The following PCF11 variants were observed in gnomAD, a reference collection of about 807,000 sequenced individuals.
The protein encoded by PCF11 is PCF11 cleavage and polyadenylation factor subunit.
A neutral mutation model predicts 166.1 loss-of-function variants in PCF11; 19 were observed. The ratio of observed to expected loss-of-function variants is 0.11; its 90% CI spans 0.08 to 0.17. The LOEUF (loss-of-function observed/expected upper bound fraction) is 0.17. Ranked by LOEUF, PCF11 falls within the 10% of genes least tolerant of loss-of-function variation. The probability of loss-of-function intolerance (pLI) is 1.00; values close to 1 mark genes in which losing one functional copy is unlikely to be tolerated. For missense variants in PCF11, 1,565 were observed against 1,855.5 expected, an observed-to-expected ratio of 0.84 and a Z score of 2.88; for synonymous variants, 663 against 644.1, an observed-to-expected ratio of 1.03 and a Z score of -0.44.
At chr11:83,165,929 A>T (rs766682063) in exon 5 of PCF11, 2 of 1,608,826 alleles carry the variant, frequency 1.2e-6, no homozygotes, top group South Asian at 2.2e-5. Context: ...CCAAGCAAGA[A>T]AAAAGTAAAT....
exon 1 of PCF11, chr11:83,157,423 A>AG: frequency 6.2e-7 from 1 of 1,601,888 alleles, no homozygotes. Flanking sequence ...CGGACCTCGG[A>AG]GGGGGGCCGC....
chr11:83,167,737 G>A lies in PCF11; in HGVS notation c.2092+232G>A. 6.8e-7 allele frequency: 1 copy of A among 1,468,624 alleles called. No homozygotes were observed. The highest frequency in any genetic ancestry group is 1.8e-4 in the Middle Eastern group (1 of 5,688). The allele number at this position is 1,468,624 out of a possible 1,614,324, so 91.0% of individuals were successfully genotyped here. On this transcript the variant is annotated intron_variant, in intron 7 of 15. Transcript: ENST00000298281. The surrounding 1 kb of genome is among the most constrained non-coding windows in gnomAD (Gnocchi z 4.2). ...GGAATAGAATGTGAGCCATCCAAAA[G>A]TAAACATGCAAGTAGGAATAGTGGA...
chr11:83,162,117 A>T (rs1483389783), intron 2 of PCF11, among the ~76,000 whole-genome samples: 1 of 152,230 alleles, frequency 6.6e-6, no homozygotes, highest in African/African-American at 2.4e-5. Context: ...GTTTGGTTAA[A>T]GCAGTATTAT....
intron 1 of PCF11, among the ~76,000 whole-genome samples, chr11:83,160,346 C>CTTT (rs373734812): frequency 1.3e-5 from 1 of 78,698 alleles, no homozygotes; most frequent in African/African-American, 5.1e-5. Context: ...TTTTTTTTGT[C>CTTT]TTTTTTTTTT....
At chr11:83,165,793 T>G in exon 5 of PCF11, 1 of 1,612,470 alleles carries the variant, frequency 6.2e-7, no homozygotes, top group South Asian at 1.1e-5. Context: ...GATCCTCGTC[T>G]GAACAGGATA....
At chr11:83,169,567 C>T (rs748242702) in exon 8 of PCF11, 4 of 1,613,920 alleles carry the variant, frequency 2.5e-6, no homozygotes, top group Non-Finnish European at 3.4e-6. Context: ...GTTTGATGGA[C>T]CACCTGGACA....
intron 11 of PCF11, among the ~76,000 whole-genome samples, chr11:83,179,410 C>T (rs1861005951): frequency 6.6e-6 from 1 of 151,956 alleles, no homozygotes; most frequent in African/African-American, 2.4e-5. Flanking sequence ...TCACCACGCC[C>T]AGCTAATTTT....
At chr11:83,177,601 C>T in intron 10 of PCF11, 113 bp from the exon 11 acceptor site, 2 of 467,586 alleles carry the variant, frequency 4.3e-6, no homozygotes, top group East Asian at 6.8e-5. Context: ...AGATCAGAAG[C>T]ACTGAATGGA....
exon 16 of PCF11, chr11:83,184,782 A>G (rs772750673): frequency 6.2e-7 from 1 of 1,611,942 alleles, no homozygotes; most frequent in East Asian, 2.2e-5. Context: ...GAACCCTGTG[A>G]CAGTCCCAAA....
Position 83,167,495 on chromosome 11 carries a change from G to A in PCF11, c.2082G>A (p.Gln694=). 2 of 1,610,164 alleles carry A rather than the reference G, an allele frequency of 1.2e-6. No homozygotes were observed. Among genetic ancestry groups the A allele is most frequent in the Non-Finnish European group, 1.7e-6 (2 of 1,178,502 alleles). ...TGCATCAAATTCGACAGCTATTTCAGTATCAAGAAGGTAAACATAGATGCA... is the reference window on the plus strand; with the variant it reads ...TGCATCAAATTCGACAGCTATTTCAATATCAAGAAGGTAAACATAGATGCA... Residue 694 remains glutamine (Q), a synonymous_variant, in exon 7 of 16, where the codon CAG becomes CAA. Transcript: ENST00000298281. The surrounding 1 kb of genome is among the most constrained non-coding windows in gnomAD (Gnocchi z 4.2).
chr11:83,175,105 A>T (rs1234679419), intron 9 of PCF11, among the ~76,000 whole-genome samples: 3 of 152,178 alleles, frequency 2.0e-5, no homozygotes, highest in Non-Finnish European at 4.4e-5. Context: ...AGTGAGATGC[A>T]TCATAGTGAC....
At chr11:83,173,330 C>T (rs1054805688) in intron 9 of PCF11, among the ~76,000 whole-genome samples, 1 of 152,084 alleles carries the variant, frequency 6.6e-6, no homozygotes, top group Non-Finnish European at 1.5e-5. Flanking sequence ...TGGTGCATGC[C>T]TGTAGTCCCA....
At chr11:83,177,192 T>G in exon 10 of PCF11, 1 of 1,558,776 alleles carries the variant, frequency 6.4e-7, no homozygotes, top group African/African-American at 1.4e-5. Flanking sequence ...CCAAACTGAT[T>G]CAGCTACAAC....
At chr11:83,169,613 G>T (rs755366297) in exon 8 of PCF11, 1 of 1,613,976 alleles carries the variant, frequency 6.2e-7, no homozygotes. Flanking sequence ...GTACCTCAAA[G>T]ATTTGATGGT....
At chr11:83,181,478 G>A (rs1361633569) in intron 12 of PCF11, among the ~76,000 whole-genome samples, 2 of 147,644 alleles carry the variant, frequency 1.4e-5, no homozygotes, top group East Asian at 3.9e-4. Context: ...TTGACCCCTG[G>A]AATATAAACA....
rs1030518272 is a variant in PCF11 at position 83,166,608 on chromosome 11, A to T, written c.1711A>T (p.Asn571Tyr). The T allele has an allele frequency of 2.5e-5, 41 of 1,613,930 alleles. No individual in the cohort carries two copies. Among genetic ancestry groups the T allele is most frequent in the Non-Finnish European group, 3.5e-5 (41 of 1,179,842 alleles). ...AGAGGAGCGACCACAAGAAACTACA[A>T]ATCAGCATTCTACAAAGTCAGGCAC... Residue 571 changes from asparagine to tyrosine, a missense_variant, in exon 5 of 16, where the codon AAT (asparagine) becomes TAT (tyrosine). By Grantham distance (143) the Asn-to-Tyr change is moderately radical. Transcript: ENST00000298281.
chr11:83,164,353 T>G (rs750965595), exon 4 of PCF11: 2 of 1,613,484 alleles, frequency 1.2e-6, no homozygotes, highest in South Asian at 1.1e-5. Context: ...TGTTAGAACT[T>G]CAGCAGAAAA....
chr11:83,180,834 A>G, intron 11 of PCF11, 174 bp from the exon 12 acceptor site: 2 of 411,048 alleles, frequency 4.9e-6, no homozygotes, highest in Non-Finnish European at 8.8e-6. Flanking sequence ...AGTTAAGGTA[A>G]AGAGGGTCAA....
intron 11 of PCF11, among the ~76,000 whole-genome samples, chr11:83,178,377 A>G (rs1412734244): frequency 6.6e-6 from 1 of 152,006 alleles, no homozygotes; most frequent in East Asian, 1.9e-4. Context: ...TTTAAATATT[A>G]GGTATTGATA....
Sources: allele counts gnomAD v4.1 joint callset (sites outside exome capture counted in the v4.1 genomes callset), GRCh38; gene constraint gnomAD v4.1.1; non-coding constraint Gnocchi (gnomAD v3.1); transcripts MANE v1.5; gene names NCBI Gene and HGNC (gene_info 2026-07-23, HGNC 2026-07-21).